HS3ST3B1: variants seen among roughly 807,000 people sequenced by gnomAD.
The protein encoded by HS3ST3B1 is heparan sulfate glucosamine 3-O-sulfotransferase 3B1.
A neutral mutation model predicts 21.3 loss-of-function variants in HS3ST3B1; 13 were observed. That is an observed-to-expected ratio of 0.61 (90% confidence interval 0.40 to 0.97). The LOEUF is 0.97. HS3ST3B1 is among the 50% of genes least tolerant of loss of function. The pLI, the probability that HS3ST3B1 is intolerant of heterozygous loss-of-function variation, is 0.00. For synonymous variants in HS3ST3B1, 234 were observed against 254.8 expected (o/e 0.92, Z 0.78); for missense variants, 459 against 554.8 (o/e 0.83, Z 1.73).
chr17:14,345,357 T>G lies in HS3ST3B1; in HGVS notation c.884T>G (p.Val295Gly). 1.8e-6 allele frequency: 2 copies of G among 1,107,212 alleles called. No individual in the cohort carries two copies. Among genetic ancestry groups the G allele is most frequent in the Non-Finnish European group, 2.6e-6 (2 of 769,158 alleles). The allele number at this position is 1,107,212 out of a possible 1,614,324, so 68.6% of individuals were successfully genotyped here. A position where few individuals can be genotyped will look rare whatever the true frequency, so the allele number is the denominator to read the frequency against. Residue 295 changes from valine to glycine, a missense_variant, in exon 2 of 2, where the codon GTG becomes GGG. Physicochemically the swap from Val to Gly is moderately radical, Grantham distance 109. Around this residue, in one of 3 missense-constraint regions of HS3ST3B1, gnomAD observed 127 missense variants for 209.9 expected, o/e 0.60. Coordinates refer to ENST00000360954, the MANE Select transcript of HS3ST3B1 (RefSeq NM_006041.3). ...RHFPIRQMLF[V>G]SGERLISDPA... Reference sequence around the variant, plus strand: ...TTCCCCATCCGCCAGATGCTCTTCGTGAGCGGCGAGCGGCTCATCAGCGAC... The same window carrying G: ...TTCCCCATCCGCCAGATGCTCTTCGGGAGCGGCGAGCGGCTCATCAGCGAC...
Position 14,302,082 on chromosome 17 carries a change from C to G in HS3ST3B1, c.554+10C>G, listed in dbSNP as rs755916487. ...GCCTCGCTTGGTACCGGTGAGTTTC[C>G]CTGCCAGGGGCAGGGTCTCCATCGT... On this transcript the variant is annotated intron_variant, in intron 1 of 1. Transcript: ENST00000360954. The G allele has an allele frequency of 6.3e-7, 1 of 1,588,980 alleles. No individual in the cohort carries two copies. Among genetic ancestry groups the G allele is most frequent in the Non-Finnish European group, 8.5e-7 (1 of 1,172,938 alleles).
At chr17:14,320,988 T>G (rs1909643006) in intron 1 of HS3ST3B1, among the ~76,000 whole-genome samples, 1 of 152,196 alleles carries the variant, frequency 6.6e-6, no homozygotes, top group Non-Finnish European at 1.5e-5. Context: ...GCAGGGACGG[T>G]GGGATGTGTG....
chr17:14,328,884 G>A (rs1449797380), intron 1 of HS3ST3B1: 1 of 152,140 alleles, frequency 6.6e-6, no homozygotes, highest in Non-Finnish European at 1.5e-5. Context: ...CTGCTTCATT[G>A]CTTTTCTAAA....
chr17:14,333,328 A>C (rs1910079469), intron 1 of HS3ST3B1, among the ~76,000 whole-genome samples: 1 of 151,920 alleles, frequency 6.6e-6, no homozygotes, highest in Non-Finnish European at 1.5e-5. Context: ...TTAGCCGAGC[A>C]TGGTGGCAGG....
chr17:14,302,771 G>A (rs932158729), intron 1 of HS3ST3B1, among the ~76,000 whole-genome samples: 3 of 152,172 alleles, frequency 2.0e-5, no homozygotes, highest in Admixed American at 6.5e-5. Context: ...ACCGGCTGGA[G>A]CGGCGCGAGG....
intron 1 of HS3ST3B1, among the ~76,000 whole-genome samples, chr17:14,326,921 C>CAAAAAAAAAAAAAAA (rs60800866): frequency 1.3e-4 from 8 of 60,460 alleles, no homozygotes; most frequent in Admixed American, 1.9e-4. Flanking sequence ...AACTCTGTCT[C>CAAAAAAAAAAAAAAA]AAAAAAAAAA....
intron 1 of HS3ST3B1, among the ~76,000 whole-genome samples, chr17:14,324,231 C>T (rs1909741722): frequency 6.6e-6 from 1 of 152,120 alleles, no homozygotes; most frequent in African/African-American, 2.4e-5. Context: ...TAAATTCTTC[C>T]TCACCCCTCA....
intron 1 of HS3ST3B1, among the ~76,000 whole-genome samples, chr17:14,322,957 G>A (rs1909703632): frequency 6.9e-6 from 1 of 143,930 alleles, no homozygotes; most frequent in Admixed American, 7.2e-5. Context: ...CCAGACTGGA[G>A]TGCAATGGCG....
At chr17:14,323,738 G>A (rs1909725015) in intron 1 of HS3ST3B1, among the ~76,000 whole-genome samples, 1 of 152,146 alleles carries the variant, frequency 6.6e-6, no homozygotes, top group Non-Finnish European at 1.5e-5. Flanking sequence ...CTGTCTCCAA[G>A]TGACAAGTGA....
At chr17:14,314,811 T>C (rs1045588684) in intron 1 of HS3ST3B1, among the ~76,000 whole-genome samples, 2 of 152,168 alleles carry the variant, frequency 1.3e-5, no homozygotes, top group Non-Finnish European at 2.9e-5. Flanking sequence ...GTTACCAGAG[T>C]GGGGAGCTTC....
In HS3ST3B1 at chr17:14,345,590, C is replaced by T. The variant is rs1338283092; in HGVS notation, c.1117C>T (p.Arg373Trp). The change falls in exon 2 of 2, where the codon CGG becomes TGG. Residue 373 changes from arginine (R) to tryptophan (W), a missense_variant. Transcript: ENST00000360954. ...GGTGCGCAGGCTGCGCGAGTTCTAC[C>T]GGCCTTTCAACCTCAAGTTCTACCA... ...EVVRRLREFY[R>W]PFNLKFYQMT... 4 of 1,605,278 alleles carry T rather than the reference C, an allele frequency of 2.5e-6. No individual in the cohort carries two copies. Among genetic ancestry groups the T allele is most frequent in the African/African-American group, 2.7e-5 (2 of 74,988 alleles).
At chr17:14,332,211 T>C (rs1478003468) in intron 1 of HS3ST3B1, among the ~76,000 whole-genome samples, 2 of 152,148 alleles carry the variant, frequency 1.3e-5, no homozygotes, top group Non-Finnish European at 2.9e-5. Flanking sequence ...AGGCTGTTTT[T>C]GGGGGGTGAA....
At chr17:14,316,746 C>T (rs923060975) in intron 1 of HS3ST3B1, among the ~76,000 whole-genome samples, 1 of 152,206 alleles carries the variant, frequency 6.6e-6, no homozygotes, top group Non-Finnish European at 1.5e-5. Flanking sequence ...CCAAGGGGAA[C>T]ACTGAAAAGT....
rs187689143 is a variant in HS3ST3B1, at chr17:14,301,653, T to C, written c.135T>C (p.Tyr45=). The part of the protein sequence containing the change: ...LLFAMLCVWL[Y]MFLYSCAGSC... ...TCGCCATGCTCTGCGTCTGGCTCTA[T>C]ATGTTCCTGTACTCGTGCGCCGGCT... Residue 45 remains tyrosine (Y), a synonymous_variant, in exon 1 of 2, where the codon TAT becomes TAC. Transcript: ENST00000360954. 42 of 1,608,078 alleles carry C rather than the reference T, an allele frequency of 2.6e-5. No individual in the cohort carries two copies. In the Admixed American group the frequency reaches 6.8e-4, roughly 26 times the overall value.
intron 1 of HS3ST3B1, among the ~76,000 whole-genome samples, chr17:14,340,225 C>A (rs60300543): frequency 0.016 from 2,499 of 152,190 alleles, 78 homozygotes; most frequent in African/African-American, 0.056. Context: ...TAGCAAAGGC[C>A]CCTGATAAGT....
chr17:14,316,130 T>C (rs1026162083), intron 1 of HS3ST3B1, among the ~76,000 whole-genome samples: 2 of 152,126 alleles, frequency 1.3e-5, no homozygotes, highest in Admixed American at 6.5e-5. Flanking sequence ...TCTCTCTCCA[T>C]CCACCTTTAC....
chr17:14,301,947 C>T lies in HS3ST3B1; in HGVS notation c.429C>T (p.Ile143=). Residue 143 remains isoleucine (I), a synonymous_variant, in exon 1 of 2, where the codon ATC becomes ATT. Coordinates refer to ENST00000360954, the MANE Select transcript of HS3ST3B1 (RefSeq NM_006041.3). Reference sequence around the variant, plus strand: ...AGCAGCTGCCGCAGGCCATCATCATCGGCGTGAAGAAGGGCGGCACGCGGG... The same window carrying T: ...AGCAGCTGCCGCAGGCCATCATCATTGGCGTGAAGAAGGGCGGCACGCGGG... ...GSKQLPQAII[I]GVKKGGTRAL... is the part of the protein sequence containing the mutation. The T allele has an allele frequency of 6.2e-7, 1 of 1,609,868 alleles. No homozygotes were observed.
At chr17:14,302,991 G>T (rs919286491) in intron 1 of HS3ST3B1, among the ~76,000 whole-genome samples, 2 of 152,322 alleles carry the variant, frequency 1.3e-5, no homozygotes, top group East Asian at 3.9e-4. Context: ...TGCGGGTCAG[G>T]TTCCAAAGGG....
rs1402957728 is a variant in HS3ST3B1 at position 14,333,891 on chromosome 17, TA to T, written c.555-11136del. Among the ~76,000 whole-genome samples, 4 of 152,184 alleles carry T rather than the reference TA, an allele frequency of 2.6e-5. No homozygotes were observed. In the East Asian group the frequency reaches 7.7e-4, roughly 29 times the overall value. The stretch of plus-strand genomic sequence containing the variant: ...GATTCTCCTGCCTCAGCCTCCCCAG[TA>T]GCTGGGATTACAGGCATGTGCCACC... On this transcript the variant is annotated intron_variant, in intron 1 of 1. Transcript: ENST00000360954.
Sources: gnomAD v4.1 joint callset for allele counts (sites outside exome capture counted in the v4.1 genomes callset) on GRCh38, gnomAD v4.1.1 for gene constraint, gnomAD v4.1.1 regional missense constraint, MANE v1.5 for transcripts, NCBI Gene and HGNC (gene_info 2026-07-23, HGNC 2026-07-21) for gene names.